Variants in KLRG1 observed in about 807,000 individuals in gnomAD.
KLRG1 encodes killer cell lectin-like receptor subfamily G member 1.
KLRG1 carries 16 observed loss-of-function variants against 21.8 expected under a neutral mutation model. The observed-to-expected ratio is 0.73, with a 90% CI of 0.50 to 1.11. The LOEUF (loss-of-function observed/expected upper bound fraction) is 1.11. Among genes scored for constraint, KLRG1 ranks in the 50% most tolerant of loss-of-function variants. KLRG1 has a pLI of 0.00. For missense variants in KLRG1, 173 were observed against 218.3 expected (o/e 0.79, Z 1.31); for synonymous variants, 69 against 75.9 (o/e 0.91, Z 0.47).
At chr12:9,093,340 T>C in the KLRG1 span, 1 of 661,636 alleles carries the variant, frequency 1.5e-6, no homozygotes. Context: ...TGTATATATA[T>C]ATATCAAAAC....
At chr12:9,213,670 A>G in the KLRG1 span, among the ~76,000 whole-genome samples, 1 of 152,100 alleles carries the variant, frequency 6.6e-6, no homozygotes, top group Non-Finnish European at 1.5e-5. Context: ...CCCATCTTTT[A>G]ATTCAATTGT....
the KLRG1 span, chr12:9,154,665 T>G: frequency 6.2e-7 from 1 of 1,614,202 alleles, no homozygotes. Flanking sequence ...CATGATCCAC[T>G]TCACAATGTT....
the KLRG1 span, chr12:9,095,414 C>G: frequency 1.1e-6 from 1 of 894,718 alleles, no homozygotes; most frequent in Non-Finnish European, 1.7e-6. Context: ...AGTAGAGAAG[C>G]CACTTACCTC....
chr12:9,164,080 A>G, the KLRG1 span: 7 of 1,543,618 alleles, frequency 4.5e-6, no homozygotes, highest in Non-Finnish European at 6.2e-6. Context: ...AAAAGTACTC[A>G]GACAGCCACC....
the KLRG1 span, among the ~76,000 whole-genome samples, chr12:9,045,811 C>A: frequency 6.6e-6 from 1 of 151,884 alleles, no homozygotes; most frequent in Admixed American, 6.6e-5. Flanking sequence ...CAGTGATAGA[C>A]CAGATAAAGA....
At chr12:9,045,894 T>C in the KLRG1 span, among the ~76,000 whole-genome samples, 220 of 152,298 alleles carry the variant, frequency 1.4e-3, no homozygotes, top group Non-Finnish European at 2.7e-3. Context: ...GGGACATGGA[T>C]GGAGCTGAAA....
the KLRG1 span, among the ~76,000 whole-genome samples, chr12:9,167,829 TA>T: frequency 6.6e-6 from 1 of 152,228 alleles, no homozygotes; most frequent in Non-Finnish European, 1.5e-5. Flanking sequence ...CTCAATGGTT[TA>T]AACTTGAAGT....
intron 1 of KLRG1, among the ~76,000 whole-genome samples, chr12:8,977,276 T>C (rs1375440607): frequency 6.6e-6 from 1 of 151,710 alleles, no homozygotes; most frequent in East Asian, 1.9e-4. Flanking sequence ...TGATCTCGGC[T>C]CACTGCAAGC....
At chr12:9,194,193 A>G in the KLRG1 span, 11 of 1,614,106 alleles carry the variant, frequency 6.8e-6, no homozygotes, top group Non-Finnish European at 9.3e-6. Context: ...GAGATGAAGA[A>G]GAGTTTATTG....
At chr12:9,010,839 C>T (rs190015258), downstream of KLRG1, 3 of 152,312 alleles carry the variant, frequency 2.0e-5, no homozygotes, top group Admixed American at 1.3e-4. Flanking sequence ...CTAATCCTCC[C>T]TAACTCACCA....
chr12:8,998,688 CAAA>C lies in KLRG1; in HGVS notation c.357+3415_357+3417del, dbSNP rs201443520. Among the ~76,000 whole-genome samples the C allele has an allele frequency of 2.0e-3, 261 of 129,454 alleles. 1 individual carries two copies. Among genetic ancestry groups the C allele is most frequent in the African/African-American group, 4.6e-3 (165 of 35,924 alleles). The allele number at this position is 129,454 out of a possible 152,430, so 84.9% of individuals were successfully genotyped here. On this transcript the variant is annotated intron_variant, in intron 3 of 4. Transcript: ENST00000356986. ...TGGGCAACAGAGCGAGACTCTGTCTCAAAAAAAAAAAAAAAAATCCACATCAAC... is the reference window on the plus strand; with the variant it reads ...TGGGCAACAGAGCGAGACTCTGTCTCAAAAAAAAAAAAAATCCACATCAAC...
At chr12:9,111,929 A>G in the KLRG1 span, 2 of 674,002 alleles carry the variant, frequency 3.0e-6, no homozygotes, top group Non-Finnish European at 5.6e-6. Context: ...TCCGAAAAGT[A>G]AATTTAATTG....
At chr12:9,163,672 A>G in the KLRG1 span, 3 of 1,613,118 alleles carry the variant, frequency 1.9e-6, no homozygotes, top group Non-Finnish European at 2.5e-6. Flanking sequence ...TGTTACCTCC[A>G]CCAACAGGGT....
At chr12:9,169,383 T>G in the KLRG1 span, 18 of 1,481,336 alleles carry the variant, frequency 1.2e-5, no homozygotes, top group Admixed American at 2.1e-5. Flanking sequence ...TTTATTAACA[T>G]TCAAAAACTC....
the KLRG1 span, among the ~76,000 whole-genome samples, chr12:9,136,773 T>A: frequency 6.6e-6 from 1 of 152,194 alleles, no homozygotes; most frequent in Non-Finnish European, 1.5e-5. Flanking sequence ...TTTCCCTGAT[T>A]AGTGGCATTG....
the KLRG1 span, chr12:9,158,524 T>A: frequency 6.2e-7 from 1 of 1,614,112 alleles, no homozygotes; most frequent in Non-Finnish European, 8.5e-7. Flanking sequence ...GCTTCATCAA[T>A]GAAGATGTAG....
chr12:9,032,006 A>G, the KLRG1 span, among the ~76,000 whole-genome samples: 1 of 152,322 alleles, frequency 6.6e-6, no homozygotes, highest in East Asian at 1.9e-4. Context: ...ACTAATTTAA[A>G]TACTAATCTC....
chr12:9,062,498 G>A, the KLRG1 span, among the ~76,000 whole-genome samples: 57 of 127,992 alleles, frequency 4.5e-4, no homozygotes, highest in South Asian at 7.4e-4. Flanking sequence ...ATTGTATAAA[G>A]AATCACCTGA....
the KLRG1 span, among the ~76,000 whole-genome samples, chr12:9,078,860 C>A: frequency 6.6e-6 from 1 of 152,088 alleles, no homozygotes; most frequent in African/African-American, 2.4e-5. Flanking sequence ...TTAATGAATT[C>A]ATTCCAAGTC....
Sources: gnomAD v4.1 joint callset for allele counts (sites outside exome capture counted in the v4.1 genomes callset) on GRCh38, gnomAD v4.1.1 for gene constraint, MANE v1.5 for transcripts, NCBI Gene and HGNC (gene_info 2026-07-23, HGNC 2026-07-21) for gene names.